RFPL1: variants seen among roughly 807,000 people sequenced by gnomAD.
RFPL1 encodes the protein ret finger protein-like 1.
Under a neutral mutation model 9.6 loss-of-function variants are expected in RFPL1, and 6 were observed. The ratio of observed to expected loss-of-function variants is 0.62; its 90% CI spans 0.34 to 1.23. The LOEUF is 1.23. Among genes scored for constraint, RFPL1 ranks in the 50% most tolerant of loss-of-function variants. The pLI, the probability that RFPL1 is intolerant of heterozygous loss-of-function variation, is 0.03. For synonymous variants in RFPL1, 145 were observed against 149.4 expected (o/e 0.97, Z 0.22); for missense variants, 352 against 398.4 (o/e 0.88, Z 0.99).
the RFPL1 span, among the ~76,000 whole-genome samples, chr22:29,418,534 C>T: frequency 2.9e-5 from 4 of 137,682 alleles, no homozygotes; most frequent in Non-Finnish European, 4.6e-5. Context: ...GAGTCTCGCT[C>T]TGTCACCTGG....
chr22:29,409,058 G>C, the RFPL1 span, among the ~76,000 whole-genome samples: 3 of 151,528 alleles, frequency 2.0e-5, no homozygotes, highest in Non-Finnish European at 4.4e-5. Context: ...CGTCAAGTCT[G>C]TACATATACT....
intron 1 of RFPL1, chr22:29,439,373 C>T (rs2062826415): frequency 1.3e-5 from 10 of 741,410 alleles, no homozygotes; most frequent in Admixed American, 3.0e-5. Context: ...GTGGCTCATG[C>T]CTGTAATGTC....
At chr22:29,438,179 C>CTTT (rs60607519), upstream of RFPL1, 385 of 94,796 alleles carry the variant, frequency 4.1e-3, 2 homozygotes, top group African/African-American at 7.9e-3. Flanking sequence ...CAGTCCCTCT[C>CTTT]TTTTTTTTTT....
At chr22:29,410,395 G>A in the RFPL1 span, among the ~76,000 whole-genome samples, 1 of 67,546 alleles carries the variant, frequency 1.5e-5, no homozygotes, top group Non-Finnish European at 2.5e-5. Context: ...TATATATATT[G>A]TAGATATATA....
the RFPL1 span, among the ~76,000 whole-genome samples, chr22:29,396,769 C>T: frequency 6.6e-6 from 1 of 151,674 alleles, no homozygotes; most frequent in African/African-American, 2.4e-5. Flanking sequence ...ACGTGCACCA[C>T]ACCTGGCTAA....
chr22:29,423,655 A>T, the RFPL1 span, among the ~76,000 whole-genome samples: 63 of 152,340 alleles, frequency 4.1e-4, no homozygotes, highest in East Asian at 9.1e-3. Context: ...ACATTAACTC[A>T]TTAGAAGCCT....
At chr22:29,422,967 A>G in the RFPL1 span, among the ~76,000 whole-genome samples, 5 of 152,130 alleles carry the variant, frequency 3.3e-5, no homozygotes, top group Non-Finnish European at 7.4e-5. Flanking sequence ...TATATCATCA[A>G]CAGTTCAATT....
chr22:29,441,863 C>G (rs560892547), exon 2 of RFPL1: 1 of 1,613,708 alleles, frequency 6.2e-7, no homozygotes. Context: ...AGCACGGTGC[C>G]GCTGACTTTC....
At chr22:29,404,457 A>G in the RFPL1 span, among the ~76,000 whole-genome samples, 147,770 of 151,578 alleles carry the variant, frequency 0.97, 72,060 homozygotes, top group East Asian at 1. Flanking sequence ...GTGTAATATG[A>G]GAATTTTCCT....
At chr22:29,431,678 T>C in the RFPL1 span, among the ~76,000 whole-genome samples, 1 of 148,436 alleles carries the variant, frequency 6.7e-6, no homozygotes, top group Admixed American at 6.7e-5. Flanking sequence ...GTGTAATCAA[T>C]CTTTAAAAGT....
chr22:29,437,951 T>C, upstream of RFPL1: 1 of 404,338 alleles, frequency 2.5e-6, no homozygotes, highest in Non-Finnish European at 4.1e-6. Flanking sequence ...GAGAAGGATG[T>C]GATTTTTTTT....
At chr22:29,423,382 C>CCTT in the RFPL1 span, among the ~76,000 whole-genome samples, 1 of 134,434 alleles carries the variant, frequency 7.4e-6, no homozygotes, top group Non-Finnish European at 1.6e-5. Context: ...AATCTATCAA[C>CCTT]TTTTTTTTTT....
intron 1 of RFPL1, chr22:29,441,172 CAT>C (rs1342021950): frequency 1.6e-5 from 4 of 255,810 alleles, no homozygotes; most frequent in Non-Finnish European, 2.2e-5. Context: ...GAAGCAGAAA[CAT>C]ATTTAACATC....
chr22:29,430,356 C>G, the RFPL1 span, among the ~76,000 whole-genome samples: 1 of 152,040 alleles, frequency 6.6e-6, no homozygotes, highest in Non-Finnish European at 1.5e-5. Flanking sequence ...CTTTTTCAGC[C>G]TTTCAAATCC....
At chr22:29,420,633 G>GTT in the RFPL1 span, among the ~76,000 whole-genome samples, 3 of 20,406 alleles carry the variant, frequency 1.5e-4, no homozygotes, top group African/African-American at 5.0e-4. Context: ...ATGGTTTTTT[G>GTT]CTTTTTTTTT....
At chr22:29,411,973 G>A in the RFPL1 span, among the ~76,000 whole-genome samples, 3 of 152,130 alleles carry the variant, frequency 2.0e-5, no homozygotes, top group African/African-American at 7.2e-5. Flanking sequence ...ACCTCAGTTG[G>A]AGTGAGCAGG....
chr22:29,437,543 T>C, upstream of RFPL1: 1 of 1,390,318 alleles, frequency 7.2e-7, no homozygotes, highest in East Asian at 2.4e-5. Context: ...TGGAGATATA[T>C]CACCAGTAAA....
chr22:29,433,529 A>C, the RFPL1 span: 5 of 180,032 alleles, frequency 2.8e-5, no homozygotes, highest in South Asian at 6.9e-4. Flanking sequence ...TTCTATATTA[A>C]AACCCAAGGA....
the RFPL1 span, among the ~76,000 whole-genome samples, chr22:29,426,276 T>TA: frequency 4.0e-5 from 6 of 151,470 alleles, no homozygotes; most frequent in Non-Finnish European, 8.8e-5. Flanking sequence ...AGATCTGAGA[T>TA]CATGCCACTG....
Sources: gnomAD v4.1 joint callset for allele counts (sites outside exome capture counted in the v4.1 genomes callset) on GRCh38, gnomAD v4.1.1 for gene constraint, MANE v1.5 for transcripts, NCBI Gene and HGNC (gene_info 2026-07-23, HGNC 2026-07-21) for gene names.